The following MSR1 variants were observed in gnomAD, a reference collection of about 807,000 sequenced individuals.
The protein encoded by MSR1 is macrophage scavenger receptor types I and II.
Under a neutral mutation model 47.2 loss-of-function variants are expected in MSR1, and 53 were observed. The ratio of observed to expected loss-of-function variants is 1.12; its 90% confidence interval spans 0.90 to 1.41. MSR1 has a LOEUF of 1.41. MSR1 is among the 40% of genes most tolerant of loss of function. The pLI is 0.00. For synonymous variants in MSR1, 239 were observed against 185.6 expected (o/e 1.29, Z -2.34); for missense variants, 786 against 546.9 (o/e 1.44, Z -4.36).
chr8:16,162,322 C>G (rs1469730833), intron 5 of MSR1, among the ~76,000 whole-genome samples: 1 of 151,792 alleles, frequency 6.6e-6, no homozygotes, highest in Non-Finnish European at 1.5e-5. Flanking sequence ...AAGATCAAGT[C>G]AAAATAGAGA....
At chr8:16,188,123 T>A (rs1384060108) in intron 1 of MSR1, among the ~76,000 whole-genome samples, 1 of 152,166 alleles carries the variant, frequency 6.6e-6, no homozygotes, top group Non-Finnish European at 1.5e-5. Flanking sequence ...TGTAATCTAT[T>A]AAAAGCACGT....
intron 8 of MSR1, among the ~76,000 whole-genome samples, chr8:16,133,071 T>A (rs1800301269): frequency 6.6e-6 from 1 of 152,190 alleles, no homozygotes; most frequent in African/African-American, 2.4e-5. Flanking sequence ...ATCACATTTA[T>A]TGATTTGCAA....
intron 3 of MSR1, among the ~76,000 whole-genome samples, chr8:16,171,148 C>G (rs11785477): frequency 0.36 from 53,161 of 147,604 alleles, 11,220 homozygotes; most frequent in South Asian, 0.5. Flanking sequence ...TGCTTGAGCC[C>G]GGGAGGCGGA....
chr8:16,168,825 G>A lies in MSR1; in HGVS notation c.263C>T (p.Thr88Ile). The change falls in exon 4 of 10, where the codon ACT becomes ATT. Residue 88 changes from threonine to isoleucine, a missense_variant. By Grantham distance (89) the Thr-to-Ile change is moderately conservative (BLOSUM62 -1). Coordinates refer to ENST00000262101, the MANE Select transcript of MSR1 (RefSeq NM_138715.3). ...WETKNCSVSS[T>I]NANDITQSLT... Reference sequence around the variant, plus strand: ...ACTTTGAGTTATATCATTTGCATTAGTTGAACTAACTGAGCAATTCTTCGT... The same window carrying A: ...ACTTTGAGTTATATCATTTGCATTAATTGAACTAACTGAGCAATTCTTCGT... 6.2e-7 allele frequency: 1 copy of A among 1,613,728 alleles called. No homozygotes were observed. The highest frequency in any genetic ancestry group is 8.5e-7 in the Non-Finnish European group (1 of 1,179,960).
intron 9 of MSR1, among the ~76,000 whole-genome samples, chr8:16,115,892 G>A (rs1462682888): frequency 6.6e-6 from 1 of 152,112 alleles, no homozygotes; most frequent in Non-Finnish European, 1.5e-5. Flanking sequence ...GCAGGCTAAG[G>A]TGGGAGGATC....
chr8:16,168,153 A>G (rs2117180706), intron 4 of MSR1, among the ~76,000 whole-genome samples: 1 of 152,364 alleles, frequency 6.6e-6, no homozygotes, highest in Middle Eastern at 3.4e-3. Context: ...ATCTGCTAAG[A>G]TAACCTAAAA....
chr8:16,117,109 T>C (rs1464729804), intron 9 of MSR1, among the ~76,000 whole-genome samples: 2 of 152,150 alleles, frequency 1.3e-5, no homozygotes, highest in East Asian at 1.9e-4. Flanking sequence ...GAAACAAAGC[T>C]GCACAGCAGG....
chr8:16,160,794 C>G (rs1388766043), intron 5 of MSR1, among the ~76,000 whole-genome samples: 1 of 151,926 alleles, frequency 6.6e-6, no homozygotes, highest in East Asian at 1.9e-4. Context: ...TTAACTTTTA[C>G]TTGTTCGTGG....
chr8:16,129,132 T>A (rs1430910084), intron 8 of MSR1, among the ~76,000 whole-genome samples: 1 of 152,164 alleles, frequency 6.6e-6, no homozygotes, highest in Non-Finnish European at 1.5e-5. Flanking sequence ...AATATTTGTA[T>A]GCAGTTAAAG....
At chr8:16,141,134 C>T (rs1800546829) in intron 8 of MSR1, 1 of 1,460,560 alleles carries the variant, frequency 6.8e-7, no homozygotes, top group East Asian at 2.4e-5. Context: ...TGAAAACATT[C>T]AATATAAATT....
intron 8 of MSR1, 67 bp downstream of exon 8, chr8:16,143,491 G>T: frequency 7.0e-7 from 1 of 1,419,842 alleles, no homozygotes; most frequent in Non-Finnish European, 9.9e-7. Context: ...CTCAAGCCCA[G>T]ATCTCTAGTA....
At chr8:16,158,314 T>A (rs769146197) in intron 5 of MSR1, among the ~76,000 whole-genome samples, 5 of 151,984 alleles carry the variant, frequency 3.3e-5, no homozygotes, top group African/African-American at 9.7e-5. Context: ...CCATGATTAC[T>A]TCTTAAAAAG....
chr8:16,130,944 G>C (rs1306419543), intron 8 of MSR1, among the ~76,000 whole-genome samples: 1 of 152,076 alleles, frequency 6.6e-6, no homozygotes, highest in Non-Finnish European at 1.5e-5. Context: ...ATGAACATAT[G>C]AGAGTATGTG....
At chr8:16,141,192 T>TA (rs1201960082) in intron 8 of MSR1, 1 of 823,002 alleles carries the variant, frequency 1.2e-6, no homozygotes, top group Non-Finnish European at 1.9e-6. Flanking sequence ...GGCACTTTCA[T>TA]ACAGAATAAA....
chr8:16,127,238 C>G (rs1462475907), intron 8 of MSR1, among the ~76,000 whole-genome samples: 1 of 152,102 alleles, frequency 6.6e-6, no homozygotes, highest in African/African-American at 2.4e-5. Flanking sequence ...ATGATAAAAG[C>G]CTCACGAGTC....
rs116735772 is a variant in MSR1 at position 16,186,460 on chromosome 8, C to T, written c.-5+6138G>A. 8.5e-3 allele frequency among the ~76,000 whole-genome samples: 1,293 copies of T among 152,200 alleles called. 17 individuals are homozygous for T. Among genetic ancestry groups the T allele is most frequent in the African/African-American group, 0.03 (1,244 of 41,532 alleles). On this transcript the variant is annotated intron_variant, in intron 1 of 9. Transcript: ENST00000262101. ...CCTAACAACACCCCTGCTTAGAATT[C>T]TAATATGGTGCAAACCTAGAGGTCT... is the stretch of plus-strand genomic sequence containing the variant.
At chr8:16,163,333 A>T (rs1249078738) in intron 5 of MSR1, among the ~76,000 whole-genome samples, 2 of 151,910 alleles carry the variant, frequency 1.3e-5, no homozygotes, top group African/African-American at 2.4e-5. Context: ...GTAAGTATTC[A>T]TTACAAGAGA....
At position 16,155,046 on chromosome 8, in the gene MSR1, T is replaced by C. The variant is rs913650918; in HGVS notation, c.898+18A>G. On this transcript the variant is annotated intron_variant, in intron 6 of 9. Coordinates refer to ENST00000262101, the MANE Select transcript of MSR1 (RefSeq NM_138715.3). ...TCTATCTTCACAGTATATGATTAAATAGCTAAAATTACCATACCTATTGGA... is the reference window on the plus strand; with the variant it reads ...TCTATCTTCACAGTATATGATTAAACAGCTAAAATTACCATACCTATTGGA... 1.1e-5 allele frequency: 18 copies of C among 1,595,544 alleles called. No homozygotes were observed. The highest frequency in any genetic ancestry group is 2.2e-5 in the East Asian group (1 of 44,736).
intron 7 of MSR1, 49 bp downstream of exon 7, chr8:16,150,182 G>A (rs56287808): frequency 0.022 from 9,957 of 451,742 alleles, 177 homozygotes; most frequent in Non-Finnish European, 0.027. Flanking sequence ...AAAATTATCT[G>A]GTGTTTCTTC....
Sources: allele counts gnomAD v4.1 joint callset (sites outside exome capture counted in the v4.1 genomes callset), GRCh38; gene constraint gnomAD v4.1.1; transcripts MANE v1.5; gene names NCBI Gene and HGNC (gene_info 2026-07-23, HGNC 2026-07-21).